The following SLC22A3 variants were observed in gnomAD, a reference collection of about 807,000 sequenced individuals.
The protein encoded by SLC22A3 is solute carrier family 22 member 3, also known as EMT organic cation transporter 3.
In SLC22A3, 51 loss-of-function variants were observed where a neutral mutation model predicts 59.1. The ratio of observed to expected loss-of-function variants is 0.86; its 90% confidence interval spans 0.69 to 1.09. The LOEUF is 1.09. SLC22A3 is among the 50% of genes least tolerant of loss of function. The pLI is 0.00. For synonymous variants in SLC22A3, 325 were observed against 292.0 expected (o/e 1.11, Z -1.15); for missense variants, 711 against 726.3 (o/e 0.98, Z 0.24).
chr6:160,445,022 C>T (rs1175567379), intron 9 of SLC22A3, among the ~76,000 whole-genome samples: 1 of 152,234 alleles, frequency 6.6e-6, no homozygotes, highest in Non-Finnish European at 1.5e-5. Context: ...GTCCAGGAGA[C>T]AAGACACATG....
chr6:160,428,717 A>G (rs1381025325), intron 5 of SLC22A3, among the ~76,000 whole-genome samples: 3 of 152,242 alleles, frequency 2.0e-5, no homozygotes, highest in African/African-American at 7.2e-5. Flanking sequence ...GCATTGGTCC[A>G]GAGGACTGGG....
intron 1 of SLC22A3, among the ~76,000 whole-genome samples, chr6:160,356,363 A>C (rs968888183): frequency 6.6e-6 from 1 of 152,196 alleles, no homozygotes; most frequent in Non-Finnish European, 1.5e-5. Flanking sequence ...ATCCTAATGT[A>C]GGGGGTGTGA....
At chr6:160,392,424 T>C (rs1235901452) in intron 1 of SLC22A3, among the ~76,000 whole-genome samples, 1 of 152,208 alleles carries the variant, frequency 6.6e-6, no homozygotes, top group East Asian at 1.9e-4. Context: ...TCAGCTGCTC[T>C]ACATTTGCTT....
At chr6:160,416,311 T>C (rs1035339670) in intron 5 of SLC22A3, among the ~76,000 whole-genome samples, 1 of 152,188 alleles carries the variant, frequency 6.6e-6, no homozygotes. Context: ...CTTGAGCTCC[T>C]AGGAGGTTAG....
intron 1 of SLC22A3, among the ~76,000 whole-genome samples, chr6:160,360,043 A>T (rs1029241013): frequency 2.0e-5 from 3 of 152,226 alleles, no homozygotes; most frequent in Admixed American, 1.3e-4. Context: ...TTTTTATAAT[A>T]GTTTTCAATT....
chr6:160,403,735 G>A (rs1249705843), intron 2 of SLC22A3, among the ~76,000 whole-genome samples: 1 of 151,372 alleles, frequency 6.6e-6, no homozygotes, highest in East Asian at 1.9e-4. Flanking sequence ...AGTATCCCAA[G>A]TATGTAAAAC....
At chr6:160,350,914 A>G (rs895650797) in intron 1 of SLC22A3, among the ~76,000 whole-genome samples, 10 of 151,890 alleles carry the variant, frequency 6.6e-5, no homozygotes, top group Admixed American at 4.6e-4. Flanking sequence ...CTGGGCTTGT[A>G]TTTTTCCTCT....
intron 1 of SLC22A3, among the ~76,000 whole-genome samples, chr6:160,375,594 C>A (rs960434771): frequency 2.0e-5 from 3 of 152,070 alleles, no homozygotes; most frequent in African/African-American, 7.2e-5. Flanking sequence ...AAGTGTGGGA[C>A]AATATTCAAT....
At chr6:160,429,306 G>A (rs997492575) in intron 5 of SLC22A3, among the ~76,000 whole-genome samples, 4 of 152,122 alleles carry the variant, frequency 2.6e-5, no homozygotes, top group African/African-American at 9.7e-5. Flanking sequence ...GAGCAAATAC[G>A]TTTTCTTTCT....
intron 1 of SLC22A3, among the ~76,000 whole-genome samples, chr6:160,355,434 G>T (rs377429461): frequency 6.6e-6 from 1 of 152,124 alleles, no homozygotes; most frequent in African/African-American, 2.4e-5. Flanking sequence ...TTGGGCTCTT[G>T]TGTGCGCTGT....
At chr6:160,442,645 A>T in intron 7 of SLC22A3, 116 bp from the exon 8 acceptor site, 1 of 765,270 alleles carries the variant, frequency 1.3e-6, no homozygotes. Context: ...ATTTGTGCTT[A>T]AAATTGGCAA....
Position 160,437,079 on chromosome 6 carries a change from T to G in SLC22A3, c.1156T>G (p.Ser386Ala). The G allele has an allele frequency of 6.2e-7, 1 of 1,614,162 alleles. No homozygotes were observed. Among genetic ancestry groups the G allele is most frequent in the Non-Finnish European group, 8.5e-7 (1 of 1,180,014 alleles). ...GGNLYIDFFI[S>A]GVVELPGALL... ...CAACCTCTATATAGACTTTTTCATC[T>G]CGGGCGTGGTGGAACTGCCAGGAGC... Residue 386 changes from serine to alanine, a missense_variant, in exon 7 of 11, where the codon TCG becomes GCG. Physicochemically the swap from Ser to Ala is moderately conservative, Grantham distance 99 (BLOSUM62 1). Coordinates refer to ENST00000275300, the MANE Select transcript of SLC22A3 (RefSeq NM_021977.4).
chr6:160,355,039 C>G (rs953756086), intron 1 of SLC22A3, among the ~76,000 whole-genome samples: 2 of 152,304 alleles, frequency 1.3e-5, no homozygotes, highest in South Asian at 2.1e-4. Flanking sequence ...TGGAGGCATG[C>G]GAGGCAGGCA....
At chr6:160,408,616 T>C (rs1583486319) in intron 3 of SLC22A3, 137 bp from the exon 4 acceptor site, 2 of 742,852 alleles carry the variant, frequency 2.7e-6, no homozygotes, top group East Asian at 5.4e-5. Context: ...TCTGCAAGTG[T>C]GGAAGCCTCC....
intron 5 of SLC22A3, among the ~76,000 whole-genome samples, chr6:160,413,221 G>A (rs1435145792): frequency 6.6e-6 from 1 of 152,144 alleles, no homozygotes; most frequent in African/African-American, 2.4e-5. Context: ...TGAGTGTACA[G>A]TTTAGCACTG....
At chr6:160,388,500 C>T (rs1786113943) in intron 1 of SLC22A3, among the ~76,000 whole-genome samples, 1 of 152,168 alleles carries the variant, frequency 6.6e-6, no homozygotes, top group Non-Finnish European at 1.5e-5. Context: ...CCAGGAACCA[C>T]ACTTTGAGAA....
At chr6:160,364,516 T>C (rs940930840) in intron 1 of SLC22A3, among the ~76,000 whole-genome samples, 2 of 152,182 alleles carry the variant, frequency 1.3e-5, no homozygotes, top group Non-Finnish European at 2.9e-5. Context: ...GAAATTAAAG[T>C]ATACAAATTG....
intron 2 of SLC22A3, 63 bp from the exon 3 acceptor site, chr6:160,406,978 T>A (rs996413042): frequency 1.1e-5 from 17 of 1,555,326 alleles, no homozygotes; most frequent in Non-Finnish European, 1.5e-5. Context: ...TTTTATGTTA[T>A]ATTTTCCCAT....
chr6:160,442,703 A>G, intron 7 of SLC22A3, 58 bp from the exon 8 acceptor site: 1 of 1,292,148 alleles, frequency 7.7e-7, no homozygotes. Flanking sequence ...GTTGTTCTGT[A>G]AAATGTTAAT....
Sources: gnomAD v4.1 joint callset for allele counts (sites outside exome capture counted in the v4.1 genomes callset) on GRCh38, gnomAD v4.1.1 for gene constraint, MANE v1.5 for transcripts, NCBI Gene and HGNC (gene_info 2026-07-23, HGNC 2026-07-21) for gene names.